MYH11: variants seen among roughly 807,000 people sequenced by gnomAD.
MYH11 encodes myosin-11.
In MYH11, 80 loss-of-function variants were observed where a neutral mutation model predicts 246.6. The observed-to-expected ratio is 0.32, with a 90% CI of 0.27 to 0.39. MYH11 has a LOEUF of 0.39. MYH11 is among the 10% of genes least tolerant of loss of function. The pLI is 1.00. For missense variants in MYH11, 2,158 were observed against 2,546.8 expected (o/e 0.85, Z 3.29); for synonymous variants, 1,071 against 1,015.5 (o/e 1.05, Z -1.04).
intron 2 of MYH11, 124 bp from the exon 3 acceptor site, chr16:15,823,535 G>A (rs771191207): frequency 2.0e-5 from 24 of 1,193,252 alleles, no homozygotes; most frequent in Non-Finnish European, 2.9e-5. Flanking sequence ...TGGAAACCCT[G>A]GGCCTCACTG....
chr16:15,739,145 G>A (rs1168610806), intron 23 of MYH11, among the ~76,000 whole-genome samples: 2 of 151,510 alleles, frequency 1.3e-5, no homozygotes, highest in East Asian at 3.9e-4. Context: ...TGTCGCCCAG[G>A]GTGGAGTGCA....
At chr16:15,842,432 A>G (rs999953104) in intron 1 of MYH11, among the ~76,000 whole-genome samples, 1 of 151,524 alleles carries the variant, frequency 6.6e-6, no homozygotes, top group Non-Finnish European at 1.5e-5. Flanking sequence ...TTGCTCAGAG[A>G]TTTTCTGCTG....
chr16:15,804,498 G>A (rs555264130), intron 3 of MYH11, among the ~76,000 whole-genome samples: 6 of 152,146 alleles, frequency 3.9e-5, no homozygotes, highest in South Asian at 4.2e-4. Context: ...CTCCAGCCTG[G>A]GTGACAGAGG....
chr16:15,772,035 G>A (rs2042113814), intron 8 of MYH11, among the ~76,000 whole-genome samples: 1 of 149,666 alleles, frequency 6.7e-6, no homozygotes, highest in South Asian at 2.1e-4. Flanking sequence ...GAGGCACCCT[G>A]CCTTCAGCCT....
intron 28 of MYH11, 59 bp downstream of exon 28, chr16:15,726,788 TC>T: frequency 6.3e-7 from 1 of 1,596,368 alleles, no homozygotes; most frequent in Non-Finnish European, 8.5e-7. Flanking sequence ...AAGAGGCTCC[TC>T]CCCACAGAAC....
chr16:15,738,084 C>A (rs564734381), intron 24 of MYH11, among the ~76,000 whole-genome samples: 2 of 152,242 alleles, frequency 1.3e-5, no homozygotes, highest in African/African-American at 4.8e-5. Flanking sequence ...CCGCACCCAG[C>A]CCTTTTATCA....
chr16:15,745,107 G>C, intron 20 of MYH11, 22 bp downstream of exon 20: 1 of 1,599,268 alleles, frequency 6.3e-7, no homozygotes, highest in South Asian at 1.1e-5. Flanking sequence ...CCCTGGGAAG[G>C]GGGCTGGGGC....
At chr16:15,807,832 G>A (rs978215731) in intron 3 of MYH11, among the ~76,000 whole-genome samples, 3 of 152,162 alleles carry the variant, frequency 2.0e-5, no homozygotes, top group Non-Finnish European at 4.4e-5. Context: ...TTCCTCCCCC[G>A]CTGTGGGCCT....
At chr16:15,765,172 G>T (rs920841441) in intron 9 of MYH11, among the ~76,000 whole-genome samples, 8 of 152,186 alleles carry the variant, frequency 5.3e-5, no homozygotes, top group South Asian at 4.2e-4. Context: ...TGAATAAATG[G>T]ATAGAGGATG....
chr16:15,819,895 A>G (rs1327586605), intron 3 of MYH11, among the ~76,000 whole-genome samples: 1 of 152,144 alleles, frequency 6.6e-6, no homozygotes, highest in African/African-American at 2.4e-5. Context: ...ATCAAACTCC[A>G]CCGAAACCTC....
intron 28 of MYH11, chr16:15,725,534 T>G: frequency 2.4e-6 from 1 of 415,650 alleles, no homozygotes; most frequent in Admixed American, 3.9e-5. Context: ...TGGCTTTTAC[T>G]CCCTAGTGTC....
intron 3 of MYH11, among the ~76,000 whole-genome samples, chr16:15,813,972 C>A (rs1157975136): frequency 6.7e-6 from 1 of 149,462 alleles, no homozygotes; most frequent in Non-Finnish European, 1.5e-5. Flanking sequence ...CTGGCCAACC[C>A]GTCTCTACTA....
chr16:15,807,071 T>G (rs1255133203), intron 3 of MYH11, among the ~76,000 whole-genome samples: 2 of 152,144 alleles, frequency 1.3e-5, no homozygotes, highest in Non-Finnish European at 2.9e-5. Flanking sequence ...AACAGATCCT[T>G]CCATCTCAGC....
Position 15,823,301 on chromosome 16 carries a change from A to G in MYH11, c.456T>C (p.Pro152=). ...CCGTGTCTGCGATGGCGTAGATGTG[A>G]GGCGGCATCTCGTGCCTCTTCTTGC... ...YKGKKRHEMP[P]HIYAIADTAY... The change falls in exon 3 of 41, where the codon CCT becomes CCC. Residue 152 remains proline, a synonymous_variant. Transcript: ENST00000300036. 6.2e-7 allele frequency: 1 copy of G among 1,614,182 alleles called. No individual in the cohort carries two copies. Among genetic ancestry groups the G allele is most frequent in the Non-Finnish European group, 8.5e-7 (1 of 1,180,046 alleles).
intron 1 of MYH11, among the ~76,000 whole-genome samples, chr16:15,841,671 C>T (rs1362463465): frequency 6.6e-6 from 1 of 152,186 alleles, no homozygotes; most frequent in African/African-American, 2.4e-5. Context: ...ACAGAGACAA[C>T]ACACTCTATA....
At chr16:15,782,158 G>A (rs1410745363) in intron 6 of MYH11, among the ~76,000 whole-genome samples, 1 of 152,136 alleles carries the variant, frequency 6.6e-6, no homozygotes, top group Non-Finnish European at 1.5e-5. Flanking sequence ...TGGGATTACA[G>A]GTGTGAGCCA....
chr16:15,826,210 G>T (rs1398237932), intron 2 of MYH11, among the ~76,000 whole-genome samples: 1 of 152,090 alleles, frequency 6.6e-6, no homozygotes, highest in East Asian at 1.9e-4. Context: ...TGCAAAAGGT[G>T]CTGGGACTAC....
Position 15,765,843 on chromosome 16 carries a change from TG to T in MYH11, c.1034-1953del, listed in dbSNP as rs542617654. 1.7e-3 allele frequency among the ~76,000 whole-genome samples: 253 copies of T among 152,358 alleles called. 1 individual carries two copies. Among genetic ancestry groups the T allele is most frequent in the Non-Finnish European group, 2.8e-3 (190 of 68,034 alleles). On this transcript the variant is annotated intron_variant, in intron 9 of 40. Transcript: ENST00000300036. ...ACCATAACATCTATGAAAGAGTCTT[TG>T]TAAACTATGAAGAGTTGCACTCACA... is the stretch of plus-strand genomic sequence containing the variant.
chr16:15,721,771 G>C, intron 31 of MYH11, 137 bp from the exon 32 acceptor site: 1 of 833,576 alleles, frequency 1.2e-6, no homozygotes. Context: ...AGCTATGGGA[G>C]TAATTTATAT....
Sources: allele counts gnomAD v4.1 joint callset (sites outside exome capture counted in the v4.1 genomes callset), GRCh38; gene constraint gnomAD v4.1.1; transcripts MANE v1.5; gene names NCBI Gene and HGNC (gene_info 2026-07-23, HGNC 2026-07-21).